The following CCSER2 variants were observed in gnomAD, a reference collection of about 807,000 sequenced individuals.
CCSER2 encodes serine-rich coiled-coil domain-containing protein 2.
In CCSER2, 46 loss-of-function variants were observed where a neutral mutation model predicts 92.3. The observed-to-expected ratio is 0.50, with a 90% CI of 0.39 to 0.64. CCSER2 has a LOEUF of 0.64. CCSER2 is among the 30% of genes least tolerant of loss of function. The pLI, the probability that CCSER2 is intolerant of heterozygous loss-of-function variation, is 0.00. For synonymous variants in CCSER2, 433 were observed against 431.4 expected, an observed-to-expected ratio of 1.00 and a Z score of -0.04; for missense variants, 1,244 against 1,238.9, an observed-to-expected ratio of 1.00 and a Z score of -0.06.
chr10:84,347,730 A>G (rs1331597619), intron 1 of CCSER2, among the ~76,000 whole-genome samples: 5 of 140,566 alleles, frequency 3.6e-5, no homozygotes, highest in African/African-American at 1.4e-4. Context: ...GGGGCTCCTC[A>G]CTTCTCAGAC....
At chr10:84,387,329 G>GA in intron 3 of CCSER2, among the ~76,000 whole-genome samples, 1 of 152,178 alleles carries the variant, frequency 6.6e-6, no homozygotes, top group South Asian at 2.1e-4. Flanking sequence ...GTTGTATCGT[G>GA]AGGACAGCCT....
At chr10:84,491,188 G>C (rs1233120673) in intron 9 of CCSER2, among the ~76,000 whole-genome samples, 1 of 152,320 alleles carries the variant, frequency 6.6e-6, no homozygotes, top group South Asian at 2.1e-4. Context: ...TTGGAAGTCA[G>C]GGACCCACTT....
At chr10:84,470,165 C>A (rs1232862608) in intron 7 of CCSER2, among the ~76,000 whole-genome samples, 1 of 151,828 alleles carries the variant, frequency 6.6e-6, no homozygotes, top group Non-Finnish European at 1.5e-5. Context: ...AATAAGTTCT[C>A]AATGAATGCT....
In CCSER2 at chr10:84,432,278, G is replaced by T. The variant is rs546852951; in HGVS notation, c.1869-6234G>T. Among the ~76,000 whole-genome samples the T allele has an allele frequency of 5.3e-5, 8 of 151,808 alleles. No individual in the cohort carries two copies. In the South Asian group the frequency reaches 1.7e-3, roughly 32 times the overall value. On this transcript the variant is annotated intron_variant, in intron 5 of 9. Coordinates refer to ENST00000372088, the MANE Select transcript of CCSER2 (RefSeq NM_001284240.2). ...TTCAACTTTTACTTTAGATTCAGTG[G>T]GTACATACGCAGGTTTGTATCACAT... is the stretch of plus-strand genomic sequence containing the variant.
At chr10:84,495,114 A>G (rs1480013814) in intron 9 of CCSER2, among the ~76,000 whole-genome samples, 1 of 145,816 alleles carries the variant, frequency 6.9e-6, no homozygotes, top group Non-Finnish European at 1.5e-5. Context: ...CCTACATATT[A>G]TATATTTTTT....
chr10:84,501,020 G>A (rs879386888), intron 9 of CCSER2, among the ~76,000 whole-genome samples: 6 of 152,048 alleles, frequency 3.9e-5, no homozygotes, highest in South Asian at 2.1e-4. Flanking sequence ...AAGAAAAATC[G>A]TTTCTGTAGG....
At chr10:84,421,036 C>G (rs1843123442) in intron 4 of CCSER2, among the ~76,000 whole-genome samples, 1 of 152,018 alleles carries the variant, frequency 6.6e-6, no homozygotes, top group Non-Finnish European at 1.5e-5. Context: ...AGAGTGGCAC[C>G]TCACTGAAAT....
chr10:84,344,042 A>T (rs1470404869), intron 1 of CCSER2, among the ~76,000 whole-genome samples: 1 of 152,234 alleles, frequency 6.6e-6, no homozygotes, highest in Non-Finnish European at 1.5e-5. Flanking sequence ...CTGATGCTTG[A>T]GATGTGGTAA....
intron 3 of CCSER2, among the ~76,000 whole-genome samples, chr10:84,408,773 G>A (rs761015539): frequency 6.6e-5 from 10 of 152,158 alleles, no homozygotes; most frequent in Admixed American, 3.3e-4. Context: ...ATTCTTTGCC[G>A]TGGCCTTAAT....
chr10:84,418,277 T>G (rs1842974749), intron 4 of CCSER2, among the ~76,000 whole-genome samples: 1 of 152,242 alleles, frequency 6.6e-6, no homozygotes, highest in Non-Finnish European at 1.5e-5. Context: ...TGTGATGACC[T>G]TCTGAATGGA....
chr10:84,347,449 G>A (rs939711783), intron 1 of CCSER2, among the ~76,000 whole-genome samples: 11 of 149,792 alleles, frequency 7.3e-5, no homozygotes, highest in Admixed American at 4.6e-4. Context: ...TCGGCTGGCC[G>A]GGCGGGGGCT....
chr10:84,402,733 G>A (rs574811360), intron 3 of CCSER2, among the ~76,000 whole-genome samples: 169 of 152,066 alleles, frequency 1.1e-3, no homozygotes, highest in Non-Finnish European at 1.9e-3. Context: ...TCGAGAACAA[G>A]ACAAATATGT....
At chr10:84,507,786 A>G (rs1849143757) in intron 9 of CCSER2, among the ~76,000 whole-genome samples, 1 of 152,094 alleles carries the variant, frequency 6.6e-6, no homozygotes. Flanking sequence ...GGTGGGTACT[A>G]CTTTGCCTTT....
intron 3 of CCSER2, among the ~76,000 whole-genome samples, chr10:84,379,436 T>G (rs4442485): frequency 0.058 from 8,849 of 152,178 alleles, 369 homozygotes; most frequent in Admixed American, 0.1. Flanking sequence ...TCTTCTACTT[T>G]TCTTTAGTTT....
At chr10:84,367,906 G>A (rs911577023) in intron 1 of CCSER2, among the ~76,000 whole-genome samples, 1 of 151,940 alleles carries the variant, frequency 6.6e-6, no homozygotes, top group African/African-American at 2.4e-5. Flanking sequence ...TCTTGCTCAG[G>A]CTTAATTTGG....
chr10:84,388,915 C>A (rs1220399768), intron 3 of CCSER2, among the ~76,000 whole-genome samples: 3 of 152,144 alleles, frequency 2.0e-5, no homozygotes, highest in Non-Finnish European at 4.4e-5. Flanking sequence ...CAGTTCTTAA[C>A]CAGCCATAGA....
chr10:84,494,990 T>G (rs1418117202), intron 9 of CCSER2, among the ~76,000 whole-genome samples: 1 of 125,714 alleles, frequency 8.0e-6, no homozygotes, highest in East Asian at 2.7e-4. Context: ...TTTTTTTTTT[T>G]TCTTTCTTCT....
At chr10:84,390,008 G>C in intron 3 of CCSER2, among the ~76,000 whole-genome samples, 1 of 152,138 alleles carries the variant, frequency 6.6e-6, no homozygotes, top group East Asian at 1.9e-4. Flanking sequence ...GGCTAGATGT[G>C]CTCACTGCTA....
chr10:84,428,500 GT>G (rs1308653018), intron 5 of CCSER2, among the ~76,000 whole-genome samples: 2 of 152,140 alleles, frequency 1.3e-5, no homozygotes, highest in Non-Finnish European at 2.9e-5. Flanking sequence ...CTGGTCCCTG[GT>G]TAGGGGCTTG....
Sources: allele counts gnomAD v4.1 joint callset (sites outside exome capture counted in the v4.1 genomes callset), GRCh38; gene constraint gnomAD v4.1.1; transcripts MANE v1.5; gene names NCBI Gene and HGNC (gene_info 2026-07-23, HGNC 2026-07-21).